Variants in CSMD1 observed in about 807,000 individuals in gnomAD.
CSMD1 encodes the protein CUB and Sushi multiple domains 1.
In CSMD1, 213 loss-of-function variants were observed where a neutral mutation model predicts 417.5. The ratio of observed to expected loss-of-function variants is 0.51; its 90% CI spans 0.46 to 0.57. CSMD1 has a LOEUF of 0.57. Ranked by LOEUF, CSMD1 falls within the 20% of genes least tolerant of loss-of-function variation. The pLI, the probability that CSMD1 is intolerant of heterozygous loss-of-function variation, is 0.00. For synonymous variants in CSMD1, 2,862 were observed against 1,736.8 expected (o/e 1.65, Z -16.11); for missense variants, 6,923 against 4,529.7 (o/e 1.53, Z -15.17).
At chr8:4,690,521 C>T (rs368348155) in intron 1 of CSMD1, among the ~76,000 whole-genome samples, 38 of 151,946 alleles carry the variant, frequency 2.5e-4, no homozygotes, top group Admixed American at 9.2e-4. Context: ...GTGGTATTTC[C>T]TGGAAAATCT....
At chr8:3,479,606 C>T (rs76456683) in intron 11 of CSMD1, among the ~76,000 whole-genome samples, 3,355 of 152,254 alleles carry the variant, frequency 0.022, 235 homozygotes, top group East Asian at 0.18. Context: ...GGCATAAATG[C>T]CATTACTTTC....
chr8:4,699,174 A>T (rs958573803), intron 1 of CSMD1, among the ~76,000 whole-genome samples: 2 of 152,146 alleles, frequency 1.3e-5, no homozygotes, highest in African/African-American at 4.8e-5. Flanking sequence ...TTCACTCTGG[A>T]CCTCTCAAAG....
chr8:3,150,743 G>A (rs919881873), intron 40 of CSMD1, among the ~76,000 whole-genome samples: 19 of 152,056 alleles, frequency 1.2e-4, no homozygotes, highest in African/African-American at 2.9e-4. Flanking sequence ...ACTAAAATAC[G>A]AAGGAAACCA....
At chr8:4,648,969 T>G (rs1383991414) in intron 1 of CSMD1, among the ~76,000 whole-genome samples, 1 of 152,220 alleles carries the variant, frequency 6.6e-6, no homozygotes, top group African/African-American at 2.4e-5. Context: ...CCTAGTATCC[T>G]AGGGCCCTGG....
chr8:4,494,659 T>C (rs1023486678), intron 2 of CSMD1, among the ~76,000 whole-genome samples: 2 of 152,146 alleles, frequency 1.3e-5, no homozygotes, highest in African/African-American at 4.8e-5. Flanking sequence ...TTACTTGGCA[T>C]CTTCATCACC....
At chr8:3,280,384 T>C (rs1330726514) in intron 26 of CSMD1, among the ~76,000 whole-genome samples, 1 of 152,200 alleles carries the variant, frequency 6.6e-6, no homozygotes, top group Non-Finnish European at 1.5e-5. Flanking sequence ...GAAACTCACA[T>C]TTCCAGAGTT....
rs1294538773 is a variant in CSMD1 at position 4,583,137 on chromosome 8, C to T, written c.302+54205G>A. On this transcript the variant is annotated intron_variant, in intron 2 of 69. Coordinates refer to ENST00000635120, the MANE Select transcript of CSMD1 (RefSeq NM_033225.6). Reference sequence around the variant, plus strand: ...CCACTCCATGGGCTCCTGTGCGGCCCAAGCCTCCCCAACGAGCACCATCCT... The same window carrying T: ...CCACTCCATGGGCTCCTGTGCGGCCTAAGCCTCCCCAACGAGCACCATCCT... 3.3e-5 allele frequency among the ~76,000 whole-genome samples: 5 copies of T among 152,146 alleles called. No homozygotes were observed. The South Asian group carries it at 6.2e-4, about 19-fold the overall frequency.
intron 5 of CSMD1, among the ~76,000 whole-genome samples, chr8:3,766,363 G>T (rs1344496686): frequency 6.6e-6 from 1 of 152,174 alleles, no homozygotes; most frequent in African/African-American, 2.4e-5. Context: ...ATCCAAGTCA[G>T]TGACCTGGAA....
intron 50 of CSMD1, 36 bp from the exon 51 acceptor site, chr8:3,029,549 T>G: frequency 6.5e-7 from 1 of 1,540,198 alleles, no homozygotes; most frequent in East Asian, 2.4e-5. Flanking sequence ...ATCATTTTTC[T>G]TTTTTGGAAA....
rs992487338 is a variant in CSMD1 at position 4,194,527 on chromosome 8, C to G, written c.416-162428G>C. Among the ~76,000 whole-genome samples, 3 of 152,142 alleles carry G rather than the reference C, an allele frequency of 2.0e-5. No homozygotes were observed. The South Asian group carries it at 6.2e-4, about 31-fold the overall frequency. On this transcript the variant is annotated intron_variant, in intron 3 of 69. Transcript: ENST00000635120. ...TAAATAATGCCAGGAAGCATCTCAACAACTATTTTTATTATAATGTTGGCA... is the reference window on the plus strand; with the variant it reads ...TAAATAATGCCAGGAAGCATCTCAAGAACTATTTTTATTATAATGTTGGCA...
chr8:3,097,273 C>T (rs1201916389), intron 46 of CSMD1, among the ~76,000 whole-genome samples: 1 of 152,172 alleles, frequency 6.6e-6, no homozygotes, highest in Non-Finnish European at 1.5e-5. Context: ...CCTTTGGCCC[C>T]TGCATCTCCC....
At chr8:3,086,637 G>C (rs536616596) in intron 49 of CSMD1, among the ~76,000 whole-genome samples, 1 of 151,978 alleles carries the variant, frequency 6.6e-6, no homozygotes, top group East Asian at 1.9e-4. Context: ...CCAAAAAAAA[G>C]GCATGAAATA....
chr8:3,417,040 A>G (rs991728013), intron 12 of CSMD1, among the ~76,000 whole-genome samples: 11 of 152,216 alleles, frequency 7.2e-5, no homozygotes, highest in Admixed American at 2.0e-4. Flanking sequence ...TGATTTACCA[A>G]GAGTTTAAAT....
rs557579071 is a variant in CSMD1 at position 3,908,269 on chromosome 8, C to A, written c.818+89634G>T. ...AGATATGAGAAAGCTGAGTCAGGTT[C>A]ATCAAGAAATCTTCCCAACATCGCA... On this transcript the variant is annotated intron_variant, in intron 5 of 69. Transcript: ENST00000635120. Among the ~76,000 whole-genome samples, 3 of 152,082 alleles carry A rather than the reference C, an allele frequency of 2.0e-5. No homozygotes were observed. The East Asian group carries it at 5.8e-4, about 29-fold the overall frequency.
At chr8:2,949,736 G>C (rs1246680242) in intron 67 of CSMD1, among the ~76,000 whole-genome samples, 2 of 152,164 alleles carry the variant, frequency 1.3e-5, no homozygotes, top group Admixed American at 1.3e-4. Flanking sequence ...TTGTGTCCCA[G>C]CTATTGGGCA....
At chr8:3,816,327 C>G (rs558261359) in intron 5 of CSMD1, among the ~76,000 whole-genome samples, 175 of 152,190 alleles carry the variant, frequency 1.1e-3, no homozygotes, top group African/African-American at 4.1e-3. Context: ...TTTCAGCTAC[C>G]CACAGTCAAC....
At chr8:3,299,557 G>T (rs571008209) in intron 25 of CSMD1, among the ~76,000 whole-genome samples, 2 of 87,724 alleles carry the variant, frequency 2.3e-5, no homozygotes, top group South Asian at 8.3e-4. Context: ...GTGTCCCAAG[G>T]TCTGGCAGAT....
intron 51 of CSMD1, among the ~76,000 whole-genome samples, chr8:3,020,086 T>C (rs184385310): frequency 1.3e-5 from 2 of 152,342 alleles, no homozygotes; most frequent in South Asian, 2.1e-4. Context: ...GGCTGTAGGC[T>C]ACCCAGGGTC....
rs561300501 is a variant in CSMD1 at position 3,962,618 on chromosome 8, T to C, written c.818+35285A>G. Among the ~76,000 whole-genome samples the C allele has an allele frequency of 9.2e-5, 14 of 152,196 alleles. No individual in the cohort carries two copies. The South Asian group carries it at 1.7e-3, about 18-fold the overall frequency. Reference sequence around the variant, plus strand: ...CTATGAAGAGGAAAGGAGAGGATCATTGGCTGAAAAGGAGAGCATGGACAT... The same window carrying C: ...CTATGAAGAGGAAAGGAGAGGATCACTGGCTGAAAAGGAGAGCATGGACAT... On this transcript the variant is annotated intron_variant, in intron 5 of 69. Transcript: ENST00000635120.
Sources: gnomAD v4.1 joint callset for allele counts (sites outside exome capture counted in the v4.1 genomes callset) on GRCh38, gnomAD v4.1.1 for gene constraint, MANE v1.5 for transcripts, NCBI Gene and HGNC (gene_info 2026-07-23, HGNC 2026-07-21) for gene names.